The following ARHGAP15 variants were observed in gnomAD, a reference collection of about 807,000 sequenced individuals.
The protein encoded by ARHGAP15 is Rho GTPase activating protein 15.
ARHGAP15 carries 51 observed loss-of-function variants against 63.7 expected under a neutral mutation model. That is an observed-to-expected ratio of 0.80 (90% CI 0.64 to 1.01). The LOEUF is 1.01. Among genes scored for constraint, ARHGAP15 ranks in the 50% least tolerant of loss-of-function variants. ARHGAP15 has a pLI of 0.00. For missense variants in ARHGAP15, 560 were observed against 564.6 expected (o/e 0.99, Z 0.08); for synonymous variants, 191 against 193.8 (o/e 0.99, Z 0.12).
chr2:143,745,266 A>AT (rs1313112162), intron 13 of ARHGAP15, among the ~76,000 whole-genome samples: 49 of 152,280 alleles, frequency 3.2e-4, no homozygotes, highest in Non-Finnish European at 5.1e-4. Flanking sequence ...ACCATTCCCC[A>AT]TTCCTGAACC....
chr2:143,363,572 A>C lies in ARHGAP15; in HGVS notation c.475-72029A>C, dbSNP rs183822074. Reference sequence around the variant, plus strand: ...ATAGTTTTCTTCTTTCTGTCATTCAAATTTTACCTGCTTGCCAAGGCTTTC... The same window carrying C: ...ATAGTTTTCTTCTTTCTGTCATTCACATTTTACCTGCTTGCCAAGGCTTTC... On this transcript the variant is annotated intron_variant, in intron 6 of 13. Coordinates refer to ENST00000295095, the MANE Select transcript of ARHGAP15 (RefSeq NM_018460.4). 5.8e-4 allele frequency among the ~76,000 whole-genome samples: 88 copies of C among 152,278 alleles called. 1 individual carries two copies. The highest frequency in any genetic ancestry group is 2.1e-3 in the African/African-American group (87 of 41,564).
intron 12 of ARHGAP15, among the ~76,000 whole-genome samples, chr2:143,665,922 T>G (rs1682145844): frequency 7.1e-6 from 1 of 140,192 alleles, no homozygotes; most frequent in East Asian, 2.2e-4. Flanking sequence ...TAAAAGAGGA[T>G]ACAAACAAAT....
At chr2:143,410,207 A>G (rs1688385231) in intron 6 of ARHGAP15, among the ~76,000 whole-genome samples, 1 of 152,124 alleles carries the variant, frequency 6.6e-6, no homozygotes, top group Admixed American at 6.5e-5. Context: ...ATAAAATGGT[A>G]TATTCCTTGT....
chr2:143,131,735 C>T (rs354713), intron 1 of ARHGAP15, among the ~76,000 whole-genome samples: 79,488 of 151,974 alleles, frequency 0.52, 22,148 homozygotes, highest in Non-Finnish European at 0.62. Flanking sequence ...CCCTTTCTCC[C>T]CCCAGTGGAA....
chr2:143,368,330 TACAC>T (rs746502058), intron 6 of ARHGAP15, among the ~76,000 whole-genome samples: 17 of 151,932 alleles, frequency 1.1e-4, no homozygotes, highest in Non-Finnish European at 2.2e-4. Context: ...CAAAGAATCA[TACAC>T]ACATTGCCAC....
intron 13 of ARHGAP15, among the ~76,000 whole-genome samples, chr2:143,760,708 C>T (rs1686727926): frequency 6.6e-6 from 1 of 152,042 alleles, no homozygotes. Flanking sequence ...ATATAACGCT[C>T]CTTTGCTATA....
intron 6 of ARHGAP15, among the ~76,000 whole-genome samples, chr2:143,313,930 G>A (rs1289228707): frequency 1.3e-5 from 2 of 149,604 alleles, no homozygotes; most frequent in Admixed American, 6.7e-5. Context: ...TTTATTCTGC[G>A]AGACTTAAGG....
chr2:143,744,469 G>A (rs1686083074), intron 13 of ARHGAP15, among the ~76,000 whole-genome samples: 2 of 152,158 alleles, frequency 1.3e-5, no homozygotes. Context: ...GATTCAACAA[G>A]GGATTTTTTT....
Position 143,310,649 on chromosome 2 carries a change from A to T in ARHGAP15, c.474+60049A>T, listed in dbSNP as rs546055602. Among the ~76,000 whole-genome samples, 3 of 152,144 alleles carry T rather than the reference A, an allele frequency of 2.0e-5. No individual in the cohort carries two copies. In the East Asian group the frequency reaches 5.8e-4, roughly 29 times the overall value. On this transcript the variant is annotated intron_variant, in intron 6 of 13. Transcript: ENST00000295095. ...GTAATATGCATAAAGCTCTGTTAACACAGTTATTTATATAAAAAGTGTAGC... is the reference window on the plus strand; with the variant it reads ...GTAATATGCATAAAGCTCTGTTAACTCAGTTATTTATATAAAAAGTGTAGC...
At chr2:143,417,120 T>C (rs1218552915) in intron 6 of ARHGAP15, among the ~76,000 whole-genome samples, 1 of 151,892 alleles carries the variant, frequency 6.6e-6, no homozygotes. Flanking sequence ...ATGTAGTGCC[T>C]GAGTAAGCAG....
At chr2:143,412,757 T>G (rs749926163) in intron 6 of ARHGAP15, among the ~76,000 whole-genome samples, 5 of 152,142 alleles carry the variant, frequency 3.3e-5, no homozygotes, top group Non-Finnish European at 7.4e-5. Flanking sequence ...TAGGTTTAAA[T>G]ACAGCTTCTC....
At chr2:143,552,943 C>T (rs1481213408) in intron 10 of ARHGAP15, among the ~76,000 whole-genome samples, 3 of 152,090 alleles carry the variant, frequency 2.0e-5, no homozygotes, top group East Asian at 1.9e-4. Context: ...AATCATACGA[C>T]GTCTAATTAT....
At chr2:143,537,032 C>T (rs554892829) in intron 10 of ARHGAP15, among the ~76,000 whole-genome samples, 2 of 151,844 alleles carry the variant, frequency 1.3e-5, no homozygotes, top group African/African-American at 2.4e-5. Context: ...CTCTCCAGCA[C>T]CTGTTGTTTC....
chr2:143,606,442 C>T (rs1698035100), intron 11 of ARHGAP15, among the ~76,000 whole-genome samples: 1 of 152,094 alleles, frequency 6.6e-6, no homozygotes, highest in South Asian at 2.1e-4. Context: ...TATTTTGCTT[C>T]AATATATTTA....
intron 13 of ARHGAP15, among the ~76,000 whole-genome samples, chr2:143,712,251 G>A (rs1295418424): frequency 6.6e-6 from 1 of 152,166 alleles, no homozygotes; most frequent in East Asian, 1.9e-4. Context: ...TTCCAGGATG[G>A]CACCCAGATT....
At chr2:143,250,677 AC>A in intron 6 of ARHGAP15, 77 bp downstream of exon 6, 1 of 1,202,572 alleles carries the variant, frequency 8.3e-7, no homozygotes, top group Non-Finnish European at 1.2e-6. Context: ...AAATAAGACT[AC>A]CTTCTTGTGA....
chr2:143,350,374 TAAG>T (rs1008366733), intron 6 of ARHGAP15, among the ~76,000 whole-genome samples: 5 of 152,148 alleles, frequency 3.3e-5, no homozygotes, highest in African/African-American at 1.2e-4. Flanking sequence ...CTCATGAACA[TAAG>T]AAAACTGTTT....
At chr2:143,693,167 C>A (rs528542901) in intron 12 of ARHGAP15, among the ~76,000 whole-genome samples, 2 of 152,278 alleles carry the variant, frequency 1.3e-5, no homozygotes, top group South Asian at 4.1e-4. Flanking sequence ...TTCTCCAGCA[C>A]TCATTTGCAA....
At chr2:143,527,796 A>G (rs926963750) in intron 10 of ARHGAP15, among the ~76,000 whole-genome samples, 1 of 152,124 alleles carries the variant, frequency 6.6e-6, no homozygotes, top group African/African-American at 2.4e-5. Context: ...GATAAATTAT[A>G]TTCAACATTG....
Sources: allele counts gnomAD v4.1 joint callset (sites outside exome capture counted in the v4.1 genomes callset), GRCh38; gene constraint gnomAD v4.1.1; transcripts MANE v1.5; gene names NCBI Gene and HGNC (gene_info 2026-07-23, HGNC 2026-07-21).